CTTNBP2: variants seen among roughly 807,000 people sequenced by gnomAD.
The protein encoded by CTTNBP2 is cortactin-binding protein 2.
In CTTNBP2, 108 loss-of-function variants were observed where a neutral mutation model predicts 156.9. The ratio of observed to expected loss-of-function variants is 0.69; its 90% confidence interval spans 0.59 to 0.81. The LOEUF is 0.81. Ranked by LOEUF, CTTNBP2 falls within the 30% of genes least tolerant of loss-of-function variation. The pLI is 0.00. For synonymous variants in CTTNBP2, 767 were observed against 751.8 expected (o/e 1.02, Z -0.33); for missense variants, 1,924 against 2,035.4 (o/e 0.95, Z 1.05).
At chr7:117,717,891 A>ATCCTATTTCTCAGTTC (rs1156549062) in intron 22 of CTTNBP2, 127 bp downstream of exon 22, 1 of 636,798 alleles carries the variant, frequency 1.6e-6, no homozygotes, top group African/African-American at 1.8e-5. Flanking sequence ...TTTTACCTTT[A>ATCCTATTTCTCAGTTC]TCCTATTTCT....
At chr7:117,872,787 G>A (rs918575064) in intron 1 of CTTNBP2, among the ~76,000 whole-genome samples, 1 of 152,160 alleles carries the variant, frequency 6.6e-6, no homozygotes, top group East Asian at 1.9e-4. Flanking sequence ...ATCTGGACAC[G>A]GCCCTCTCCC....
rs777493650 is a variant in CTTNBP2 at position 117,734,924 on chromosome 7, C to T, written c.3865G>A (p.Val1289Ile). The T allele has an allele frequency of 1.3e-6, 2 of 1,592,844 alleles. No individual in the cohort carries two copies. Among genetic ancestry groups the T allele is most frequent in the African/African-American group, 1.3e-5 (1 of 74,310 alleles). The part of the protein sequence containing the change: ...GLLQRFLRRK[V>I]VNKFKGQAPS... ...TTGCTGTTTGTTACCTTATTCACAA[C>T]TTTCCTTCGTAAGAACCTCTGCAGC... The change falls in exon 16 of 23, where the codon GTT becomes ATT. Residue 1289 changes from valine to isoleucine, a missense_variant. By Grantham distance (29) the Val-to-Ile change is conservative. Transcript: ENST00000160373.
In CTTNBP2 at chr7:117,725,149, T is replaced by A. The variant is rs769018820; in HGVS notation, c.4164A>T (p.Lys1388Asn). Reference protein sequence around the residue: ...RQPGFGQTTAKRHPSQGQQAV... With the variant: ...RQPGFGQTTANRHPSQGQQAV... ...CCTGCTGTCCTTGGCTAGGGTGTCTTTTAGCAGTTGTCTGCCCAAAGCCAG... is the reference window on the plus strand; with the variant it reads ...CCTGCTGTCCTTGGCTAGGGTGTCTATTAGCAGTTGTCTGCCCAAAGCCAG... Residue 1388 changes from lysine (K) to asparagine (N), a missense_variant, in exon 18 of 23, where the codon AAA becomes AAT. Coordinates refer to ENST00000160373, the MANE Select transcript of CTTNBP2 (RefSeq NM_033427.3). 21 of 1,613,582 alleles carry A rather than the reference T, an allele frequency of 1.3e-5. No individual in the cohort carries two copies.
chr7:117,848,812 A>G (rs1302196287), intron 2 of CTTNBP2, among the ~76,000 whole-genome samples: 2 of 152,118 alleles, frequency 1.3e-5, no homozygotes, highest in South Asian at 2.1e-4. Flanking sequence ...ATAGACTTAC[A>G]TTTTCCCATT....
chr7:117,721,007 A>C (rs1794759995), intron 20 of CTTNBP2, 60 bp downstream of exon 20: 1 of 1,020,668 alleles, frequency 9.8e-7, no homozygotes, highest in Admixed American at 1.7e-5. Context: ...TTAAAATAGT[A>C]ATTGAAGTTA....
chr7:117,724,947 G>A, intron 18 of CTTNBP2, 105 bp downstream of exon 18: 1 of 1,139,494 alleles, frequency 8.8e-7, no homozygotes, highest in Non-Finnish European at 1.3e-6. Flanking sequence ...GCTATAAGAT[G>A]TATATTTTTC....
intron 14 of CTTNBP2, among the ~76,000 whole-genome samples, chr7:117,736,887 G>C (rs1795735589): frequency 6.6e-6 from 1 of 152,168 alleles, no homozygotes; most frequent in South Asian, 2.1e-4. Context: ...TAGGATACTT[G>C]AGAGTAACAT....
chr7:117,779,072 G>A (rs1798261649), intron 7 of CTTNBP2, among the ~76,000 whole-genome samples: 1 of 152,054 alleles, frequency 6.6e-6, no homozygotes, highest in Admixed American at 6.6e-5. Flanking sequence ...AATCCACTTG[G>A]CTAAGACAAG....
intron 12 of CTTNBP2, among the ~76,000 whole-genome samples, chr7:117,751,652 G>A (rs1409619561): frequency 6.6e-6 from 1 of 152,062 alleles, no homozygotes; most frequent in Non-Finnish European, 1.5e-5. Context: ...TTAAAGAAGA[G>A]GTATAAGAGT....
chr7:117,856,191 G>C (rs1214779998), intron 2 of CTTNBP2, among the ~76,000 whole-genome samples: 1 of 152,118 alleles, frequency 6.6e-6, no homozygotes, highest in Non-Finnish European at 1.5e-5. Flanking sequence ...AGGTCTCACC[G>C]ATACACCTGT....
At chr7:117,859,928 A>C (rs1227952020) in intron 2 of CTTNBP2, among the ~76,000 whole-genome samples, 1 of 152,190 alleles carries the variant, frequency 6.6e-6, no homozygotes, top group Non-Finnish European at 1.5e-5. Context: ...TTCAGGAACT[A>C]TCTCTTCTTC....
At chr7:117,725,904 G>C (rs1795070812) in intron 17 of CTTNBP2, among the ~76,000 whole-genome samples, 1 of 152,154 alleles carries the variant, frequency 6.6e-6, no homozygotes, top group Admixed American at 6.5e-5. Context: ...GGCCAGGCTG[G>C]TCTCGAACTC....
intron 3 of CTTNBP2, among the ~76,000 whole-genome samples, chr7:117,807,400 T>C (rs1800010453): frequency 1.3e-5 from 2 of 152,190 alleles, no homozygotes; most frequent in African/African-American, 4.8e-5. Context: ...GGAATAAAAA[T>C]GGCAGAATAA....
intron 4 of CTTNBP2, 148 bp downstream of exon 4, chr7:117,790,980 C>CA (rs1345097789): frequency 3.1e-6 from 2 of 639,076 alleles, no homozygotes; most frequent in African/African-American, 4.5e-5. Context: ...AAAAAAAATA[C>CA]AAAAAAAGAG....
At chr7:117,755,148 G>A (rs750237583) in intron 12 of CTTNBP2, among the ~76,000 whole-genome samples, 28 of 152,168 alleles carry the variant, frequency 1.8e-4, no homozygotes, top group Non-Finnish European at 4.0e-4. Context: ...CTTTTAGGAA[G>A]GGGGACAAAG....
intron 1 of CTTNBP2, among the ~76,000 whole-genome samples, chr7:117,867,158 A>G (rs1246005272): frequency 6.6e-6 from 1 of 152,232 alleles, no homozygotes; most frequent in Non-Finnish European, 1.5e-5. Context: ...AAATCTCTGA[A>G]GTTACTTCTT....
chr7:117,840,417 T>A (rs1006287929), intron 2 of CTTNBP2, among the ~76,000 whole-genome samples: 1 of 152,186 alleles, frequency 6.6e-6, no homozygotes, highest in African/African-American at 2.4e-5. Context: ...TCCCAGCTAC[T>A]GGAGAGGCCA....
chr7:117,713,801 C>T (rs1392101928), intron 22 of CTTNBP2: 2 of 152,198 alleles, frequency 1.3e-5, no homozygotes, highest in Non-Finnish European at 2.9e-5. Flanking sequence ...CTCAGCTAAT[C>T]TTAAGTGGAA....
chr7:117,745,831 C>T lies in CTTNBP2; in HGVS notation c.3535G>A (p.Ala1179Thr), dbSNP rs1401288087. 1.9e-5 allele frequency: 30 copies of T among 1,604,404 alleles called. No homozygotes were observed. Among genetic ancestry groups the T allele is most frequent in the Non-Finnish European group, 2.3e-5 (27 of 1,171,422 alleles). ...EQLLDLFISS[A>T]CLIPVKQSPS... ...AGGCAATTTGCTGAAATGTTCTTAC[C>T]GCTACTAATGAACAGGTCTAGTAGC... The change falls in exon 14 of 23, where the codon GCT (alanine) becomes ACT (threonine). Residue 1179 changes from alanine to threonine, a missense_variant and splice_region_variant. Physicochemically the swap from Ala to Thr is moderately conservative, Grantham distance 58. Coordinates refer to ENST00000160373, the MANE Select transcript of CTTNBP2 (RefSeq NM_033427.3).
Sources: gnomAD v4.1 joint callset for allele counts (sites outside exome capture counted in the v4.1 genomes callset) on GRCh38, gnomAD v4.1.1 for gene constraint, MANE v1.5 for transcripts, NCBI Gene and HGNC (gene_info 2026-07-23, HGNC 2026-07-21) for gene names.